RASAL2: variants seen among roughly 807,000 people sequenced by gnomAD.
RASAL2 encodes RAS protein activator like 2.
In RASAL2, 58 loss-of-function variants were observed where a neutral mutation model predicts 128.9. The ratio of observed to expected loss-of-function variants is 0.45; its 90% CI spans 0.36 to 0.56. The LOEUF is 0.56. Ranked by LOEUF, RASAL2 falls within the 20% of genes least tolerant of loss-of-function variation. The pLI is 0.00. For missense variants in RASAL2, 1,360 were observed against 1,601.6 expected (o/e 0.85, Z 2.57); for synonymous variants, 561 against 580.8 (o/e 0.97, Z 0.49).
intron 9 of RASAL2, among the ~76,000 whole-genome samples, chr1:178,450,575 G>A (rs1677305723): frequency 6.6e-6 from 1 of 152,118 alleles, no homozygotes; most frequent in Non-Finnish European, 1.5e-5. Context: ...TTCTGCTGCT[G>A]ATGCTGCTAC....
At chr1:178,453,367 T>C (rs1339422039) in intron 11 of RASAL2, among the ~76,000 whole-genome samples, 1 of 151,726 alleles carries the variant, frequency 6.6e-6, no homozygotes, top group Non-Finnish European at 1.5e-5. Context: ...AGAGGTGATG[T>C]CTGCAACTTA....
chr1:178,418,582 GTAATC>G (rs1674930364), intron 4 of RASAL2, among the ~76,000 whole-genome samples: 1 of 152,174 alleles, frequency 6.6e-6, no homozygotes. Context: ...TTTTCTTTCA[GTAATC>G]TAAATAGTTC....
chr1:178,313,140 C>A (rs1478320309), intron 3 of RASAL2, among the ~76,000 whole-genome samples: 2 of 152,090 alleles, frequency 1.3e-5, no homozygotes, highest in South Asian at 2.1e-4. Context: ...GTCTAAATAA[C>A]GTACATAGTC....
chr1:178,223,658 G>A (rs1485453423), intron 1 of RASAL2, among the ~76,000 whole-genome samples: 1 of 152,110 alleles, frequency 6.6e-6, no homozygotes, highest in Non-Finnish European at 1.5e-5. Flanking sequence ...AGATTATTCT[G>A]ACTACAGTAG....
At chr1:178,465,842 G>C in intron 15 of RASAL2, 78 bp from the exon 16 acceptor site, 2 of 1,115,852 alleles carry the variant, frequency 1.8e-6, no homozygotes, top group Non-Finnish European at 2.4e-6. Flanking sequence ...GAAAGAAAGA[G>C]AAAGAAAGAA....
intron 4 of RASAL2, 101 bp from the exon 5 acceptor site, chr1:178,420,405 TTCTGG>T (rs1675067425): frequency 1.6e-6 from 1 of 625,978 alleles, no homozygotes; most frequent in African/African-American, 1.9e-5. Flanking sequence ...TAGTTTCTAT[TTCTGG>T]TCTTTATTGT....
chr1:178,096,916 C>T (rs12061973), intron 1 of RASAL2, among the ~76,000 whole-genome samples: 2,045 of 152,056 alleles, frequency 0.013, 34 homozygotes, highest in African/African-American at 0.047. Flanking sequence ...TTTAAGTTGC[C>T]TATTGTATGA....
intron 16 of RASAL2, 102 bp downstream of exon 16, chr1:178,466,224 CT>C: frequency 8.9e-7 from 1 of 1,123,678 alleles, no homozygotes; most frequent in Admixed American, 3.1e-5. Context: ...CATTTTTATC[CT>C]TGTGGTACTG....
chr1:178,400,537 A>C (rs147684045), intron 4 of RASAL2, among the ~76,000 whole-genome samples: 9 of 152,128 alleles, frequency 5.9e-5, no homozygotes, highest in Non-Finnish European at 1.0e-4. Flanking sequence ...TGATCTCCAG[A>C]ATAGGTTGTG....
intron 3 of RASAL2, among the ~76,000 whole-genome samples, chr1:178,367,630 A>G (rs1671474120): frequency 6.6e-6 from 1 of 152,126 alleles, no homozygotes; most frequent in African/African-American, 2.4e-5. Context: ...AAGCAGCTAT[A>G]ATGAAAATCA....
chr1:178,126,117 T>C (rs1288973099), intron 1 of RASAL2, among the ~76,000 whole-genome samples: 1 of 152,116 alleles, frequency 6.6e-6, no homozygotes, highest in African/African-American at 2.4e-5. Context: ...AACTGAGACA[T>C]AGGGAAGATA....
At chr1:178,300,775 A>C (rs991796734) in intron 3 of RASAL2, among the ~76,000 whole-genome samples, 47 of 152,232 alleles carry the variant, frequency 3.1e-4, no homozygotes, top group African/African-American at 1.1e-3. Context: ...TTTCATTTTT[A>C]ATAATGGATA....
At chr1:178,438,612 A>T (rs1291464099) in intron 5 of RASAL2, among the ~76,000 whole-genome samples, 2 of 152,060 alleles carry the variant, frequency 1.3e-5, no homozygotes, top group African/African-American at 2.4e-5. Context: ...GTGACAAGTC[A>T]TGATTCCTAG....
chr1:178,336,089 C>G (rs1669572625), intron 3 of RASAL2, among the ~76,000 whole-genome samples: 1 of 152,014 alleles, frequency 6.6e-6, no homozygotes, highest in African/African-American at 2.4e-5. Context: ...ATTTCCTCAT[C>G]TGTAAAATGG....
Position 178,180,700 on chromosome 1 carries a change from A to C in RASAL2, c.202+86006A>C, listed in dbSNP as rs931604767. On this transcript the variant is annotated intron_variant, in intron 1 of 17. Transcript: ENST00000367649. ...ACACACACACACACACACGATTCTGAGAAAGAAGAAAAGGCATTATTGCGA... is the reference window on the plus strand; with the variant it reads ...ACACACACACACACACACGATTCTGCGAAAGAAGAAAAGGCATTATTGCGA... 1.3e-4 allele frequency among the ~76,000 whole-genome samples: 7 copies of C among 53,730 alleles called. No individual in the cohort carries two copies. In the Admixed American group the frequency reaches 1.4e-3, roughly 11 times the overall value. 35.2% of individuals were successfully genotyped at this position (53,730 alleles called of 152,430 possible).
At chr1:178,232,887 A>T (rs1664069028) in intron 1 of RASAL2, among the ~76,000 whole-genome samples, 3 of 152,124 alleles carry the variant, frequency 2.0e-5, no homozygotes, top group African/African-American at 7.2e-5. Context: ...TTGCATGGTG[A>T]ACACTTAACT....
chr1:178,372,556 C>G (rs921692954), intron 3 of RASAL2, among the ~76,000 whole-genome samples: 4 of 152,156 alleles, frequency 2.6e-5, no homozygotes, highest in Non-Finnish European at 4.4e-5. Context: ...ACAAAGAGTG[C>G]TAGCTCCATT....
intron 1 of RASAL2, among the ~76,000 whole-genome samples, chr1:178,132,799 T>C (rs1660168757): frequency 1.3e-5 from 2 of 150,226 alleles, no homozygotes; most frequent in Admixed American, 1.3e-4. Context: ...GACGGAGTCT[T>C]GCTCTGTCAC....
chr1:178,150,518 T>A (rs73051404), intron 1 of RASAL2, among the ~76,000 whole-genome samples: 2,555 of 152,274 alleles, frequency 0.017, 73 homozygotes, highest in African/African-American at 0.057. Context: ...AAAATAAGAA[T>A]CTACTGGTTT....
Sources: gnomAD v4.1 joint callset for allele counts (sites outside exome capture counted in the v4.1 genomes callset) on GRCh38, gnomAD v4.1.1 for gene constraint, MANE v1.5 for transcripts, NCBI Gene and HGNC (gene_info 2026-07-23, HGNC 2026-07-21) for gene names.